PPARGC1B: variants seen among roughly 807,000 people sequenced by gnomAD.
PPARGC1B encodes PPARG coactivator 1 beta.
Under a neutral mutation model 101.6 loss-of-function variants are expected in PPARGC1B, and 34 were observed. That is an observed-to-expected ratio of 0.33 (90% CI 0.25 to 0.45). The LOEUF is 0.45. Among genes scored for constraint, PPARGC1B ranks in the 20% least tolerant of loss-of-function variants. The pLI, the probability that PPARGC1B is intolerant of heterozygous loss-of-function variation, is 1.00. For synonymous variants in PPARGC1B, 548 were observed against 539.3 expected (o/e 1.02, Z -0.22); for missense variants, 1,234 against 1,317.6 (o/e 0.94, Z 0.98).
At chr5:149,783,706 C>T (rs1275846270) in intron 1 of PPARGC1B, among the ~76,000 whole-genome samples, 2 of 152,200 alleles carry the variant, frequency 1.3e-5, no homozygotes, top group Admixed American at 6.5e-5. Flanking sequence ...CAAATTCCCC[C>T]TCTTTACATT....
At chr5:149,788,804 T>A (rs1203779567) in intron 1 of PPARGC1B, among the ~76,000 whole-genome samples, 1 of 152,166 alleles carries the variant, frequency 6.6e-6, no homozygotes, top group Non-Finnish European at 1.5e-5. Context: ...GAAACCATCA[T>A]TCTGAGCAAA....
chr5:149,799,165 C>T (rs912792681), intron 1 of PPARGC1B, among the ~76,000 whole-genome samples: 11 of 152,204 alleles, frequency 7.2e-5, no homozygotes, highest in African/African-American at 2.7e-4. Context: ...AATCCCAGAA[C>T]AAGAAGTGGT....
rs1158677294 is a variant in PPARGC1B, at chr5:149,851,011, T to A, written c.*3453T>A. ...TTGCCCCCTCAACCAAAAAGCTGCTTTGAGTCAAAAAGCACCCATAAGATA... is the reference window on the plus strand; with the variant it reads ...TTGCCCCCTCAACCAAAAAGCTGCTATGAGTCAAAAAGCACCCATAAGATA... On this transcript the variant is annotated 3_prime_UTR_variant, in exon 12 of 12. Transcript: ENST00000309241. The A allele has an allele frequency of 6.6e-6, 1 of 151,942 alleles. No homozygotes were observed. Among genetic ancestry groups the A allele is most frequent in the Non-Finnish European group, 1.5e-5 (1 of 67,988 alleles). The allele number at this position is 151,942 out of a possible 1,614,324, so 9.4% of individuals were successfully genotyped here.
rs1032328304 is a variant in PPARGC1B at position 149,836,420 on chromosome 5, A to G, written c.1965A>G (p.Pro655=). 3.1e-6 allele frequency: 5 copies of G among 1,614,088 alleles called. No homozygotes were observed. The highest frequency in any genetic ancestry group is 4.2e-6 in the Non-Finnish European group (5 of 1,180,016). The change falls in exon 8 of 12, where the codon CCA becomes CCG. Residue 655 remains proline, a synonymous_variant. Coordinates refer to ENST00000309241, the MANE Select transcript of PPARGC1B (RefSeq NM_133263.4). ...KATPGAAHKL[P]KKHPERSELL... is the part of the protein sequence containing the mutation. ...CCCCAGGGGCTGCCCACAAGCTGCCAAAGAAGCACCCAGAGCGAAGTGAGC... is the reference window on the plus strand; with the variant it reads ...CCCCAGGGGCTGCCCACAAGCTGCCGAAGAAGCACCCAGAGCGAAGTGAGC...
At chr5:149,811,174 G>A (rs1285357294) in intron 1 of PPARGC1B, among the ~76,000 whole-genome samples, 8 of 152,190 alleles carry the variant, frequency 5.3e-5, no homozygotes, top group Non-Finnish European at 8.8e-5. Context: ...CATTGAAACC[G>A]CAAGTCATCT....
chr5:149,808,781 G>C (rs553502476), intron 1 of PPARGC1B, among the ~76,000 whole-genome samples: 1 of 152,136 alleles, frequency 6.6e-6, no homozygotes, highest in Non-Finnish European at 1.5e-5. Flanking sequence ...TATGTGCCAG[G>C]CATTATGCTG....
chr5:149,804,349 G>A (rs1204779126), intron 1 of PPARGC1B, among the ~76,000 whole-genome samples: 3 of 152,206 alleles, frequency 2.0e-5, no homozygotes, highest in Non-Finnish European at 2.9e-5. Flanking sequence ...GAGAGGAGAC[G>A]GATGGTCCCT....
At chr5:149,820,209 G>A (rs1208306952) in intron 1 of PPARGC1B, among the ~76,000 whole-genome samples, 1 of 152,202 alleles carries the variant, frequency 6.6e-6, no homozygotes, top group African/African-American at 2.4e-5. Flanking sequence ...GGATATGTAG[G>A]AGTGCAGAGG....
rs142608452 is a variant in PPARGC1B, at chr5:149,832,658, G to A, written c.585G>A (p.Ala195=). 149 of 1,533,592 alleles carry A rather than the reference G, an allele frequency of 9.7e-5. 1 individual carries two copies. The African/African-American group carries it at 1.8e-3, about 19-fold the overall frequency. The allele number at this position is 1,533,592 out of a possible 1,614,324, so 95.0% of individuals were successfully genotyped here. A position where few individuals can be genotyped will look rare whatever the true frequency, so the allele number is the denominator to read the frequency against. The part of the protein sequence containing the change: ...RSKSQRPCVK[A]DSTQDKKAPM... ...CTCTGGCCTCTCTCCCTCTCTAGGC[G>A]GACAGCACCCAAGACAAGAAGGCTC... The change falls in exon 5 of 12, where the codon GCG becomes GCA. Residue 195 remains alanine, a splice_region_variant and synonymous_variant. Coordinates refer to ENST00000309241, the MANE Select transcript of PPARGC1B (RefSeq NM_133263.4). The surrounding 1 kb of genome is among the most constrained non-coding windows in gnomAD (Gnocchi z 4.9).
chr5:149,746,207 C>T (rs190427396), intron 1 of PPARGC1B, among the ~76,000 whole-genome samples: 10 of 152,328 alleles, frequency 6.6e-5, no homozygotes, highest in Admixed American at 4.6e-4. Flanking sequence ...CTGCCGGCAA[C>T]GCTCTTCCCA....
chr5:149,755,457 G>T (rs1338442081), intron 1 of PPARGC1B, among the ~76,000 whole-genome samples: 1 of 152,028 alleles, frequency 6.6e-6, no homozygotes, highest in African/African-American at 2.4e-5. Flanking sequence ...AGAGCTGAAA[G>T]ATGTCTATGT....
At chr5:149,787,458 G>A (rs1437630932) in intron 1 of PPARGC1B, among the ~76,000 whole-genome samples, 1 of 152,222 alleles carries the variant, frequency 6.6e-6, no homozygotes, top group African/African-American at 2.4e-5. Context: ...TTGGCTCCAG[G>A]TTGGGATTTT....
intron 1 of PPARGC1B, among the ~76,000 whole-genome samples, chr5:149,813,635 G>A (rs1471356115): frequency 6.6e-6 from 1 of 152,170 alleles, no homozygotes; most frequent in Admixed American, 6.5e-5. Context: ...CTGGCCATCC[G>A]CTGCACCTTG....
chr5:149,767,203 G>C (rs756705598), intron 1 of PPARGC1B, among the ~76,000 whole-genome samples: 19 of 152,170 alleles, frequency 1.2e-4, no homozygotes, highest in Non-Finnish European at 2.6e-4. Context: ...TGGGGTGTTC[G>C]GTTCACAGTG....
chr5:149,837,656 A>G lies in PPARGC1B; in HGVS notation c.2618+583A>G, dbSNP rs1759160986. On this transcript the variant is annotated intron_variant, in intron 8 of 11. Coordinates refer to ENST00000309241, the MANE Select transcript of PPARGC1B (RefSeq NM_133263.4). The surrounding 1 kb of genome is among the most constrained non-coding windows in gnomAD (Gnocchi z 4.2). Reference sequence around the variant, plus strand: ...CCTCATGAGCCCGCTTGCTCGTATCATCCTCGCTCGCTGAACCAGACTGGA... The same window carrying G: ...CCTCATGAGCCCGCTTGCTCGTATCGTCCTCGCTCGCTGAACCAGACTGGA... 6.6e-6 allele frequency among the ~76,000 whole-genome samples: 1 copy of G among 152,222 alleles called. No homozygotes were observed.
chr5:149,801,148 C>A (rs1222117651), intron 1 of PPARGC1B, among the ~76,000 whole-genome samples: 1 of 152,136 alleles, frequency 6.6e-6, no homozygotes, highest in African/African-American at 2.4e-5. Flanking sequence ...CTCCTAATCC[C>A]CTCTCCAAGT....
chr5:149,740,770 T>C (rs1360664654), intron 1 of PPARGC1B, among the ~76,000 whole-genome samples: 1 of 152,224 alleles, frequency 6.6e-6, no homozygotes, highest in Non-Finnish European at 1.5e-5. Flanking sequence ...TAGGATAACT[T>C]AAGATAGCTG....
intron 11 of PPARGC1B, 132 bp downstream of exon 11, chr5:149,846,046 G>T (rs749005658): frequency 6.4e-6 from 7 of 1,091,234 alleles, no homozygotes; most frequent in Non-Finnish European, 9.6e-6. Context: ...TGTGCTGCTT[G>T]GTATAACTTT....
chr5:149,847,397 C>T (rs769149166), intron 11 of PPARGC1B, 61 bp from the exon 12 acceptor site: 38 of 1,243,496 alleles, frequency 3.1e-5, no homozygotes, highest in African/African-American at 4.4e-5. Flanking sequence ...TTCAACCATC[C>T]GGTCTTTGTA....
Sources: allele counts gnomAD v4.1 joint callset (sites outside exome capture counted in the v4.1 genomes callset), GRCh38; gene constraint gnomAD v4.1.1; non-coding constraint Gnocchi (gnomAD v3.1); transcripts MANE v1.5; gene names NCBI Gene and HGNC (gene_info 2026-07-23, HGNC 2026-07-21).